The following UNC13C variants were observed in gnomAD, a reference collection of about 807,000 sequenced individuals.
The protein encoded by UNC13C is unc-13 homolog C.
Under a neutral mutation model 245.4 loss-of-function variants are expected in UNC13C, and 174 were observed. The observed-to-expected ratio is 0.71, with a 90% CI of 0.63 to 0.80. UNC13C has a LOEUF of 0.80. Among genes scored for constraint, UNC13C ranks in the 30% least tolerant of loss-of-function variants. The pLI is 0.00. For synonymous variants in UNC13C, 992 were observed against 895.1 expected, an observed-to-expected ratio of 1.11 and a Z score of -1.93; for missense variants, 2,829 against 2,602.9, an observed-to-expected ratio of 1.09 and a Z score of -1.89.
the UNC13C span, among the ~76,000 whole-genome samples, chr15:53,958,758 T>A: frequency 1.3e-5 from 2 of 152,242 alleles, no homozygotes; most frequent in South Asian, 2.1e-4. Flanking sequence ...CTAATCAGGG[T>A]AATTGGGATA....
chr15:53,929,084 G>A, the UNC13C span, among the ~76,000 whole-genome samples: 18 of 152,142 alleles, frequency 1.2e-4, no homozygotes, highest in Non-Finnish European at 1.8e-4. Flanking sequence ...ATGGATTCAC[G>A]GTTCCACACT....
At chr15:54,324,980 C>T (rs1419525571) in intron 14 of UNC13C, among the ~76,000 whole-genome samples, 2 of 151,888 alleles carry the variant, frequency 1.3e-5, no homozygotes, top group Non-Finnish European at 2.9e-5. Flanking sequence ...TTTTTTATTC[C>T]TCATCAGCTA....
chr15:54,275,451 A>G (rs569321759), intron 10 of UNC13C, among the ~76,000 whole-genome samples: 19 of 152,128 alleles, frequency 1.2e-4, no homozygotes, highest in African/African-American at 4.6e-4. Flanking sequence ...CCTTTTTTGA[A>G]CCACTTGAAT....
intron 13 of UNC13C, among the ~76,000 whole-genome samples, chr15:54,305,998 G>A (rs565719388): frequency 5.3e-5 from 8 of 152,096 alleles, no homozygotes; most frequent in Admixed American, 5.2e-4. Flanking sequence ...TGGATTTGGA[G>A]AATAAATAAA....
chr15:54,578,593 C>T (rs1008700335), intron 30 of UNC13C, among the ~76,000 whole-genome samples: 7 of 152,152 alleles, frequency 4.6e-5, no homozygotes, highest in Non-Finnish European at 7.3e-5. Context: ...TCTAAAGTTA[C>T]GTATAAAGTT....
intron 24 of UNC13C, among the ~76,000 whole-genome samples, chr15:54,518,039 G>A (rs531048612): frequency 1.3e-5 from 2 of 152,234 alleles, no homozygotes; most frequent in East Asian, 3.9e-4. Context: ...TTGAAGTGCT[G>A]GCCTTTTATT....
At chr15:54,338,291 T>A in intron 16 of UNC13C, 70 bp from the exon 17 acceptor site, 2 of 1,458,596 alleles carry the variant, frequency 1.4e-6, no homozygotes, top group Non-Finnish European at 1.8e-6. Flanking sequence ...GAATATATAT[T>A]TGAGTAGTTT....
rs911558838 is a variant in UNC13C, at chr15:53,978,893, G to C, written c.-291G>C. 6.6e-6 allele frequency among the ~76,000 whole-genome samples: 1 copy of C among 152,146 alleles called. No individual in the cohort carries two copies. The highest frequency in any genetic ancestry group is 2.4e-5 in the African/African-American group (1 of 41,438). ...AAGGAGGGGAAGAACAACCCAGTTG[G>C]CGTGCACATTTTTTTTTAAAGGAGA... On this transcript the variant is annotated 5_prime_UTR_variant, in exon 1 of 33. Transcript: ENST00000260323.
chr15:54,343,335 G>T (rs192141808), intron 17 of UNC13C, among the ~76,000 whole-genome samples: 96 of 152,120 alleles, frequency 6.3e-4, no homozygotes, highest in African/African-American at 2.2e-3. Flanking sequence ...GTTTCACCAC[G>T]TTAGCCAGGC....
At chr15:54,077,367 TTTTCTTTTC>T (rs1412321686) in intron 2 of UNC13C, among the ~76,000 whole-genome samples, 1 of 102,484 alleles carries the variant, frequency 9.8e-6, no homozygotes, top group Admixed American at 1.5e-4. Flanking sequence ...TTTTCTTTTC[TTTTCTTTTC>T]TTTTTTTTTT....
At chr15:54,481,493 G>A (rs8038792) in intron 19 of UNC13C, among the ~76,000 whole-genome samples, 62,740 of 152,020 alleles carry the variant, frequency 0.41, 13,237 homozygotes, top group East Asian at 0.62. Context: ...GTGTGTGTGT[G>A]TACCTGCAGT....
chr15:54,515,162 C>T (rs2141122200), intron 24 of UNC13C, among the ~76,000 whole-genome samples: 1 of 152,066 alleles, frequency 6.6e-6, no homozygotes, highest in Admixed American at 6.5e-5. Flanking sequence ...TAAAAAGCAC[C>T]TCTGGTGATT....
chr15:54,228,031 A>G (rs1020253922), intron 4 of UNC13C, among the ~76,000 whole-genome samples: 2 of 152,138 alleles, frequency 1.3e-5, no homozygotes, highest in African/African-American at 4.8e-5. Flanking sequence ...CTGGTGCTCT[A>G]TTCTCCTGCA....
chr15:54,028,468 C>T (rs1566960587), intron 2 of UNC13C, among the ~76,000 whole-genome samples: 1 of 152,120 alleles, frequency 6.6e-6, no homozygotes, highest in Non-Finnish European at 1.5e-5. Flanking sequence ...ATTGGCAAAA[C>T]TAAAAATGTC....
At chr15:53,949,625 C>T in the UNC13C span, among the ~76,000 whole-genome samples, 1 of 152,128 alleles carries the variant, frequency 6.6e-6, no homozygotes, top group African/African-American at 2.4e-5. Flanking sequence ...ACTATGAGCA[C>T]ACCAGGACTC....
intron 2 of UNC13C, among the ~76,000 whole-genome samples, chr15:54,047,950 G>C (rs1337254512): frequency 6.6e-6 from 1 of 152,094 alleles, no homozygotes; most frequent in Non-Finnish European, 1.5e-5. Context: ...CATATCGTAA[G>C]TATACCGTAA....
chr15:54,295,958 C>T (rs1280421356), intron 11 of UNC13C, among the ~76,000 whole-genome samples: 1 of 152,112 alleles, frequency 6.6e-6, no homozygotes, highest in African/African-American at 2.4e-5. Context: ...AACAAATAAC[C>T]TATTTCTATT....
chr15:54,416,404 G>T (rs2040521841), intron 19 of UNC13C, among the ~76,000 whole-genome samples: 2 of 152,130 alleles, frequency 1.3e-5, no homozygotes, highest in South Asian at 4.2e-4. Context: ...GATAAAGTCA[G>T]GCTCTCCCAC....
At chr15:53,994,243 G>A (rs1308837518) in intron 1 of UNC13C, among the ~76,000 whole-genome samples, 1 of 133,940 alleles carries the variant, frequency 7.5e-6, no homozygotes, top group African/African-American at 3.0e-5. Flanking sequence ...CTTACTGGCA[G>A]CATGTATTAC....
Sources: gnomAD v4.1 joint callset for allele counts (sites outside exome capture counted in the v4.1 genomes callset) on GRCh38, gnomAD v4.1.1 for gene constraint, MANE v1.5 for transcripts, NCBI Gene and HGNC (gene_info 2026-07-23, HGNC 2026-07-21) for gene names.